The following RETREG3 variants were observed in gnomAD, a reference collection of about 807,000 sequenced individuals.
RETREG3 encodes the protein reticulophagy regulator 3.
A neutral mutation model predicts 50.2 loss-of-function variants in RETREG3; 23 were observed. The observed-to-expected ratio is 0.46, with a 90% CI of 0.33 to 0.65. The LOEUF is 0.65. Ranked by LOEUF, RETREG3 falls within the 30% of genes least tolerant of loss-of-function variation. RETREG3 has a pLI of 0.02. For synonymous variants in RETREG3, 240 were observed against 234.4 expected (o/e 1.02, Z -0.22); for missense variants, 546 against 598.0 (o/e 0.91, Z 0.91).
At chr17:42,608,113 T>A (rs2143440488) in intron 1 of RETREG3, among the ~76,000 whole-genome samples, 1 of 152,336 alleles carries the variant, frequency 6.6e-6, no homozygotes, top group Admixed American at 6.5e-5. Context: ...AAAACACAAT[T>A]AAAAAACACA....
At chr17:42,597,560 G>C (rs2093148302) in intron 1 of RETREG3, among the ~76,000 whole-genome samples, 1 of 115,500 alleles carries the variant, frequency 8.7e-6, no homozygotes, top group African/African-American at 3.6e-5. Flanking sequence ...ATATATTTTT[G>C]TGTATATATA....
At chr17:42,587,928 C>CCTAACATT in intron 2 of RETREG3, 64 bp from the exon 3 acceptor site, 1 of 1,585,664 alleles carries the variant, frequency 6.3e-7, no homozygotes, top group Non-Finnish European at 8.7e-7. Context: ...AAATGTTAGG[C>CCTAACATT]TGTTGGTCTG....
At chr17:42,604,402 G>A (rs1337920117) in intron 1 of RETREG3, among the ~76,000 whole-genome samples, 1 of 152,030 alleles carries the variant, frequency 6.6e-6, no homozygotes, top group Admixed American at 6.6e-5. Context: ...AGGTGCAGTG[G>A]GTCATGCCTG....
intron 1 of RETREG3, among the ~76,000 whole-genome samples, chr17:42,597,409 G>T (rs548967411): frequency 1.3e-5 from 2 of 148,392 alleles, no homozygotes; most frequent in African/African-American, 2.5e-5. Context: ...GGATGATCTC[G>T]ATCTCCTGAC....
At chr17:42,600,241 GGT>G (rs768778578) in intron 1 of RETREG3, among the ~76,000 whole-genome samples, 10 of 152,054 alleles carry the variant, frequency 6.6e-5, no homozygotes, top group Non-Finnish European at 1.2e-4. Flanking sequence ...ACATTAGCTA[GGT>G]GTGGTGGTGC....
At chr17:42,586,294 A>G in intron 4 of RETREG3, 157 bp from the exon 5 acceptor site, 1 of 658,294 alleles carries the variant, frequency 1.5e-6, no homozygotes, top group Non-Finnish European at 2.7e-6. Flanking sequence ...TTGGGAAGAA[A>G]AGGAGCATGT....
At chr17:42,597,339 C>T (rs1458754841) in intron 1 of RETREG3, among the ~76,000 whole-genome samples, 1 of 150,042 alleles carries the variant, frequency 6.7e-6, no homozygotes, top group African/African-American at 2.5e-5. Context: ...CAGGCATGCA[C>T]CGCTACGCCC....
chr17:42,579,576 CTA>C lies in RETREG3; in HGVS notation c.*2235_*2236del, dbSNP rs1166305714. ...TCCCCTCCTCAGTTCACAGTGGAGACTATGGAGATTCAGGGCAGGATCCCTCA... is the reference window on the plus strand; with the variant it reads ...TCCCCTCCTCAGTTCACAGTGGAGACTGGAGATTCAGGGCAGGATCCCTCA... On this transcript the variant is annotated 3_prime_UTR_variant, in exon 9 of 9. Coordinates refer to ENST00000309428, the MANE Select transcript of RETREG3 (RefSeq NM_178126.4). The C allele has an allele frequency of 6.5e-6, 1 of 152,882 alleles. No individual in the cohort carries two copies. Among genetic ancestry groups the C allele is most frequent in the African/African-American group, 2.4e-5 (1 of 41,426 alleles). 9.5% of individuals were successfully genotyped at this position (152,882 alleles called of 1,614,324 possible). A position where few individuals can be genotyped will look rare whatever the true frequency, so the allele number is the denominator to read the frequency against.
chr17:42,607,621 A>G (rs1004027147), intron 1 of RETREG3, among the ~76,000 whole-genome samples: 1 of 151,906 alleles, frequency 6.6e-6, no homozygotes, highest in Non-Finnish European at 1.5e-5. Flanking sequence ...CCTGACCAAC[A>G]TGGAGAAACC....
At chr17:42,596,308 G>A (rs904290382) in intron 1 of RETREG3, among the ~76,000 whole-genome samples, 5 of 131,756 alleles carry the variant, frequency 3.8e-5, no homozygotes, top group East Asian at 2.4e-4. Context: ...CCAGTGAGCC[G>A]TGGTTGTGCC....
intron 6 of RETREG3, among the ~76,000 whole-genome samples, chr17:42,584,086 G>C (rs954142944): frequency 2.0e-5 from 3 of 152,180 alleles, no homozygotes; most frequent in Non-Finnish European, 2.9e-5. Context: ...GGGATTACAA[G>C]TGTGAGCCAC....
chr17:42,585,199 C>T lies in RETREG3; in HGVS notation c.653G>A (p.Arg218Gln), dbSNP rs781555927. ...TAGCCGCTGCAGAGCTGGCTTCAGC[C>T]GCACATATGCTCGATCCCACAGTCG... is the stretch of plus-strand genomic sequence containing the variant. ...YHRLWDRAYV[R>Q]LKPALQRLDF... Residue 218 changes from arginine to glutamine, a missense_variant, in exon 6 of 9, where the codon CGG becomes CAG. By Grantham distance (43) the Arg-to-Gln change is conservative. Coordinates refer to ENST00000309428, the MANE Select transcript of RETREG3 (RefSeq NM_178126.4). 22 of 1,613,862 alleles carry T rather than the reference C, an allele frequency of 1.4e-5. No individual in the cohort carries two copies. Among genetic ancestry groups the T allele is most frequent in the South Asian group, 2.2e-5 (2 of 91,090 alleles).
chr17:42,603,743 C>T lies in RETREG3; in HGVS notation c.239+5343G>A, dbSNP rs139877654. On this transcript the variant is annotated intron_variant, in intron 1 of 8. Transcript: ENST00000309428. ...CTGTAATCCCAGCACTTTGGGAGAC[C>T]GAGGCGGGCGGATCACGAGGTCAGG... is the stretch of plus-strand genomic sequence containing the variant. Among the ~76,000 whole-genome samples the T allele has an allele frequency of 4.6e-3, 693 of 152,150 alleles. 6 individuals are homozygous for T. The highest frequency in any genetic ancestry group is 0.016 in the African/African-American group (655 of 41,520).
chr17:42,588,225 G>T (rs528175169), intron 2 of RETREG3, among the ~76,000 whole-genome samples: 33 of 152,280 alleles, frequency 2.2e-4, no homozygotes, highest in African/African-American at 7.9e-4. Flanking sequence ...AAGGTACGTT[G>T]TAACAACTCC....
At chr17:42,597,619 ATTTTTTTTTTTTTT>A (rs869223820) in intron 1 of RETREG3, among the ~76,000 whole-genome samples, 1 of 14,370 alleles carries the variant, frequency 7.0e-5, no homozygotes, top group Non-Finnish European at 1.2e-4. Context: ...ATATATATAT[ATTTTTTTTTTTTTT>A]TTTTTTTTTT....
At chr17:42,583,921 T>A (rs2093115647) in intron 6 of RETREG3, among the ~76,000 whole-genome samples, 2 of 152,162 alleles carry the variant, frequency 1.3e-5, no homozygotes, top group African/African-American at 4.8e-5. Flanking sequence ...AATACTCCTG[T>A]CTCAGCCTCC....
chr17:42,604,254 A>G (rs1283076366), intron 1 of RETREG3, among the ~76,000 whole-genome samples: 2 of 152,146 alleles, frequency 1.3e-5, no homozygotes, highest in African/African-American at 4.8e-5. Context: ...AGTATGGTTC[A>G]CTGAGACTAG....
intron 2 of RETREG3, among the ~76,000 whole-genome samples, chr17:42,589,919 G>A (rs972770367): frequency 6.6e-6 from 1 of 152,070 alleles, no homozygotes; most frequent in African/African-American, 2.4e-5. Context: ...CTTTATTATC[G>A]GCTGGGCGTG....
In RETREG3 at chr17:42,609,357, G is replaced by T. The variant is rs773858505; in HGVS notation, c.-33C>A. On this transcript the variant is annotated 5_prime_UTR_variant, in exon 1 of 9. Coordinates refer to ENST00000309428, the MANE Select transcript of RETREG3 (RefSeq NM_178126.4). ...CGGCAGCCACAACATCCGGGGCCGT[G>T]GCCCGACAAGTCACAATAACAGCAA... The T allele has an allele frequency of 7.5e-5, 119 of 1,576,778 alleles. No individual in the cohort carries two copies. The East Asian group carries it at 2.1e-3, about 28-fold the overall frequency.
Sources: allele counts gnomAD v4.1 joint callset (sites outside exome capture counted in the v4.1 genomes callset), GRCh38; gene constraint gnomAD v4.1.1; transcripts MANE v1.5; gene names NCBI Gene and HGNC (gene_info 2026-07-23, HGNC 2026-07-21).